Variants in DIAPH2 observed in about 807,000 individuals in gnomAD.
The protein encoded by DIAPH2 is protein diaphanous homolog 2.
A neutral mutation model predicts 92.7 loss-of-function variants in DIAPH2; 35 were observed. The observed-to-expected ratio is 0.38, with a 90% CI of 0.29 to 0.50. The LOEUF is 0.50. Ranked by LOEUF, DIAPH2 falls within the 20% of genes least tolerant of loss-of-function variation. The pLI, the probability that DIAPH2 is intolerant of heterozygous loss-of-function variation, is 0.94. For synonymous variants in DIAPH2, 301 were observed against 280.4 expected (o/e 1.07, Z -0.73); for missense variants, 701 against 819.5 (o/e 0.86, Z 1.77).
intron 17 of DIAPH2, among the ~76,000 whole-genome samples, chrX:97,034,424 C>A (rs2066396452): frequency 9.4e-6 from 1 of 106,139 alleles, no homozygotes; most frequent in African/African-American, 3.4e-5. Flanking sequence ...CCTAAGGTTC[C>A]AAAAAATAGG....
chrX:97,095,746 C>A (rs1479945900), intron 19 of DIAPH2, among the ~76,000 whole-genome samples: 1 of 111,503 alleles, frequency 9.0e-6, no homozygotes, highest in Non-Finnish European at 1.9e-5. Flanking sequence ...GGAAGTATTA[C>A]AGAATAATTG....
chrX:96,702,224 T>G lies in DIAPH2; in HGVS notation c.132+17034T>G, dbSNP rs148811358. Among the ~76,000 whole-genome samples, 578 of 112,417 alleles carry G rather than the reference T, an allele frequency of 5.1e-3. 3 individuals are homozygous for G. Among genetic ancestry groups the G allele is most frequent in the Non-Finnish European group, 9.3e-3 (496 of 53,296 alleles). On this transcript the variant is annotated intron_variant, in intron 1 of 26. Transcript: ENST00000324765. ...GGGAATTGTCCACAAACATCTAATT[T>G]GTAGCTGTATCTGGTTAGTTTTATT...
intron 25 of DIAPH2, among the ~76,000 whole-genome samples, chrX:97,385,438 G>C (rs776412337): frequency 9.0e-6 from 1 of 110,599 alleles, no homozygotes; most frequent in African/African-American, 3.3e-5. Context: ...TCACTGTGTT[G>C]ACCAGGCTGG....
chrX:97,350,597 G>A lies in DIAPH2; in HGVS notation c.3009+2317G>A, dbSNP rs950587424. 4.5e-5 allele frequency among the ~76,000 whole-genome samples: 5 copies of A among 111,778 alleles called. No homozygotes were observed. In the East Asian group the frequency reaches 1.1e-3, roughly 25 times the overall value. Reference sequence around the variant, plus strand: ...AAAATGTAAGAATATTATTGTTAACGAGACCTGATTTTGTATCCTGGTACT... The same window carrying A: ...AAAATGTAAGAATATTATTGTTAACAAGACCTGATTTTGTATCCTGGTACT... On this transcript the variant is annotated intron_variant, in intron 24 of 26. Coordinates refer to ENST00000324765, the MANE Select transcript of DIAPH2 (RefSeq NM_006729.5).
intron 17 of DIAPH2, among the ~76,000 whole-genome samples, chrX:97,007,279 C>T (rs2066189832): frequency 9.0e-6 from 1 of 111,667 alleles, no homozygotes; most frequent in Non-Finnish European, 1.9e-5. Context: ...GTGAATTTTG[C>T]ACCTTCAAAT....
intron 20 of DIAPH2, among the ~76,000 whole-genome samples, chrX:97,103,981 T>A (rs112893922): frequency 0.036 from 3,980 of 111,592 alleles, 60 homozygotes; most frequent in Middle Eastern, 0.069. Flanking sequence ...ATACTTCAAG[T>A]CATAGCTTAA....
intron 23 of DIAPH2, among the ~76,000 whole-genome samples, chrX:97,298,809 G>T (rs1296664738): frequency 9.1e-6 from 1 of 109,365 alleles, no homozygotes; most frequent in East Asian, 2.9e-4. Context: ...TAGTAGAGAC[G>T]GGGTTTCACC....
At chrX:97,373,111 C>G (rs1005443187) in intron 24 of DIAPH2, among the ~76,000 whole-genome samples, 2 of 112,312 alleles carry the variant, frequency 1.8e-5, no homozygotes, top group Non-Finnish European at 3.7e-5. Flanking sequence ...ACACTAATCT[C>G]TACACAAGTG....
At chrX:96,724,450 TTC>T (rs1423865920) in intron 1 of DIAPH2, among the ~76,000 whole-genome samples, 1 of 111,925 alleles carries the variant, frequency 8.9e-6, no homozygotes, top group Non-Finnish European at 1.9e-5. Context: ...AATTCAGACT[TTC>T]TCTGTTTTCA....
chrX:97,031,945 G>T (rs760432007), intron 17 of DIAPH2, among the ~76,000 whole-genome samples: 1 of 111,734 alleles, frequency 8.9e-6, no homozygotes, highest in Non-Finnish European at 1.9e-5. Flanking sequence ...ATGTGTTAAG[G>T]TTTGAGAAAC....
intron 17 of DIAPH2, among the ~76,000 whole-genome samples, chrX:96,989,604 G>C (rs780012505): frequency 2.7e-5 from 3 of 111,912 alleles, no homozygotes; most frequent in Non-Finnish European, 3.8e-5. Context: ...CATTCTATAA[G>C]ATAATGTAGC....
chrX:97,131,593 T>C (rs897345891), intron 21 of DIAPH2, among the ~76,000 whole-genome samples: 3 of 112,053 alleles, frequency 2.7e-5, no homozygotes, highest in African/African-American at 9.7e-5. Context: ...CTCATACATA[T>C]AAAACAATTT....
intron 22 of DIAPH2, among the ~76,000 whole-genome samples, chrX:97,242,726 T>G (rs971778314): frequency 9.0e-6 from 1 of 110,654 alleles, no homozygotes; most frequent in African/African-American, 3.3e-5. Flanking sequence ...ACTAGATAAT[T>G]TTTGGGTCCG....
intron 26 of DIAPH2, among the ~76,000 whole-genome samples, chrX:97,435,141 T>C (rs2070169630): frequency 9.0e-6 from 1 of 111,581 alleles, no homozygotes; most frequent in Non-Finnish European, 1.9e-5. Context: ...AAACCGATGA[T>C]TTGCTATTTG....
At chrX:96,783,540 T>A (rs1405069042) in intron 4 of DIAPH2, among the ~76,000 whole-genome samples, 1 of 112,151 alleles carries the variant, frequency 8.9e-6, no homozygotes, top group Non-Finnish European at 1.9e-5. Context: ...TGGAGATAAA[T>A]GTAATGAAGA....
At chrX:97,144,978 G>C (rs2067234807) in intron 22 of DIAPH2, among the ~76,000 whole-genome samples, 1 of 111,134 alleles carries the variant, frequency 9.0e-6, no homozygotes, top group Admixed American at 9.5e-5. Flanking sequence ...TGTTGGCCAG[G>C]CTGTTCTCAA....
chrX:97,533,508 G>C (rs1018298387), intron 26 of DIAPH2: 1 of 110,510 alleles, frequency 9.0e-6, no homozygotes, highest in African/African-American at 3.3e-5. Flanking sequence ...TTAGATTCAG[G>C]TTATGTACTT....
chrX:96,951,886 A>G (rs2065777695), intron 15 of DIAPH2, among the ~76,000 whole-genome samples: 1 of 111,783 alleles, frequency 8.9e-6, no homozygotes, highest in Non-Finnish European at 1.9e-5. Flanking sequence ...GTGGTTGTAT[A>G]AAATTCCCAA....
chrX:97,509,471 C>CTTTTTTTTTT (rs57153955), intron 26 of DIAPH2, among the ~76,000 whole-genome samples: 1 of 6,734 alleles, frequency 1.5e-4, no homozygotes, highest in African/African-American at 6.9e-4. Flanking sequence ...ATTCATGTTG[C>CTTTTTTTTTT]TTTTTTTTTT....
Sources: allele counts gnomAD v4.1 joint callset (sites outside exome capture counted in the v4.1 genomes callset), GRCh38; gene constraint gnomAD v4.1.1; transcripts MANE v1.5; gene names NCBI Gene and HGNC (gene_info 2026-07-23, HGNC 2026-07-21).